Variants in SCUBE1 observed in about 807,000 individuals in gnomAD.
SCUBE1 encodes the protein signal peptide, CUB domain and EGF like domain containing 1.
A neutral mutation model predicts 124.4 loss-of-function variants in SCUBE1; 59 were observed. That is an observed-to-expected ratio of 0.47 (90% CI 0.38 to 0.59). SCUBE1 has a LOEUF of 0.59. Ranked by LOEUF, SCUBE1 falls within the 20% of genes least tolerant of loss-of-function variation. SCUBE1 has a pLI of 0.00. For missense variants in SCUBE1, 1,150 were observed against 1,371.2 expected, an observed-to-expected ratio of 0.84 and a Z score of 2.55; for synonymous variants, 545 against 550.9, an observed-to-expected ratio of 0.99 and a Z score of 0.15.
At chr22:43,286,145 A>G (rs1925131587) in intron 4 of SCUBE1, among the ~76,000 whole-genome samples, 2 of 152,216 alleles carry the variant, frequency 1.3e-5, no homozygotes, top group South Asian at 4.1e-4. Context: ...CACAAATCAC[A>G]TGAATAAGAG....
rs1356370204 is a variant in SCUBE1 at position 43,198,695 on chromosome 22, C to A, written c.*5302G>T. 1 of 456,592 alleles carries A rather than the reference C, an allele frequency of 2.2e-6. No individual in the cohort carries two copies. The highest frequency in any genetic ancestry group is 2.3e-5 in the Admixed American group (1 of 42,568). The allele number at this position is 456,592 out of a possible 1,614,324, so 28.3% of individuals were successfully genotyped here. On this transcript the variant is annotated 3_prime_UTR_variant, in exon 22 of 22. Coordinates refer to ENST00000360835, the MANE Select transcript of SCUBE1 (RefSeq NM_173050.5). ...TGCCAGGGTGACCAGACTTCCTGAG[C>A]ATGGACCAGGGGAGGTGAAAATGGC...
rs1330734925 is a variant in SCUBE1 at position 43,264,404 on chromosome 22, G to A, written c.485-1559C>T. On this transcript the variant is annotated intron_variant, in intron 4 of 21. Coordinates refer to ENST00000360835, the MANE Select transcript of SCUBE1 (RefSeq NM_173050.5). The stretch of plus-strand genomic sequence containing the variant: ...TCTGTCTGTGGGGGCACTGGCTCTT[G>A]AGGCCGGTGTCTCTCCTGCAGGTCT... 3.9e-5 allele frequency among the ~76,000 whole-genome samples: 6 copies of A among 152,322 alleles called. No individual in the cohort carries two copies. The East Asian group carries it at 1.2e-3, about 29-fold the overall frequency.
chr22:43,252,950 C>T (rs1216576158), intron 6 of SCUBE1, among the ~76,000 whole-genome samples: 1 of 145,712 alleles, frequency 6.9e-6, no homozygotes, highest in African/African-American at 2.6e-5. Context: ...CGGTCACCTC[C>T]CTACCTAACT....
intron 4 of SCUBE1, among the ~76,000 whole-genome samples, chr22:43,264,701 G>T (rs1048165041): frequency 6.6e-6 from 1 of 152,232 alleles, no homozygotes; most frequent in East Asian, 1.9e-4. Flanking sequence ...TGCTGTTCCA[G>T]CTTCTTCACA....
At chr22:43,268,399 T>C (rs1924159874) in intron 4 of SCUBE1, among the ~76,000 whole-genome samples, 2 of 152,232 alleles carry the variant, frequency 1.3e-5, no homozygotes, top group Non-Finnish European at 2.9e-5. Context: ...TTCAGAGTCA[T>C]TCCCAGAAAT....
At chr22:43,287,675 C>T (rs1210886614) in intron 4 of SCUBE1, among the ~76,000 whole-genome samples, 2 of 152,368 alleles carry the variant, frequency 1.3e-5, no homozygotes, top group African/African-American at 4.8e-5. Context: ...AAGAGCTGGA[C>T]AGGCATGAGG....
At chr22:43,212,017 G>A (rs1245866685) in intron 17 of SCUBE1, among the ~76,000 whole-genome samples, 2 of 152,080 alleles carry the variant, frequency 1.3e-5, no homozygotes, top group Admixed American at 1.3e-4. Context: ...GAGGGAAGAC[G>A]GGATGTAGAC....
chr22:43,221,344 G>A, intron 12 of SCUBE1, 55 bp from the exon 13 acceptor site: 2 of 1,027,360 alleles, frequency 1.9e-6, no homozygotes, highest in South Asian at 2.6e-5. Context: ...GCAAGGAGGT[G>A]GTGGGGGACG....
At chr22:43,240,865 C>T (rs747506102) in intron 6 of SCUBE1, among the ~76,000 whole-genome samples, 2 of 152,126 alleles carry the variant, frequency 1.3e-5, no homozygotes, top group Non-Finnish European at 2.9e-5. Flanking sequence ...GGAGAGCCCC[C>T]CTCTGGAGAG....
chr22:43,320,451 C>A (rs1926506019), intron 2 of SCUBE1, among the ~76,000 whole-genome samples: 1 of 152,246 alleles, frequency 6.6e-6, no homozygotes, highest in African/African-American at 2.4e-5. Flanking sequence ...CTGATGCCTG[C>A]ATTTCAACTG....
chr22:43,302,412 C>T (rs991775195), intron 3 of SCUBE1, among the ~76,000 whole-genome samples: 3 of 152,194 alleles, frequency 2.0e-5, no homozygotes, highest in African/African-American at 4.8e-5. Context: ...GATCCCCTAC[C>T]GAACTACATT....
chr22:43,235,894 A>C (rs888763374), intron 7 of SCUBE1, among the ~76,000 whole-genome samples: 4 of 152,060 alleles, frequency 2.6e-5, no homozygotes, highest in Non-Finnish European at 4.4e-5. Context: ...CCTTGAGACG[A>C]GGGCTTAGGC....
chr22:43,254,468 G>T (rs1601832277), intron 6 of SCUBE1, among the ~76,000 whole-genome samples: 1 of 152,174 alleles, frequency 6.6e-6, no homozygotes, highest in African/African-American at 2.4e-5. Flanking sequence ...ACCTCTCTGG[G>T]ACCTTTAGGC....
intron 4 of SCUBE1, among the ~76,000 whole-genome samples, chr22:43,284,375 C>T (rs1925047223): frequency 6.6e-6 from 1 of 152,224 alleles, no homozygotes; most frequent in African/African-American, 2.4e-5. Context: ...CTTTTGAACT[C>T]TAGGTGCTTA....
At chr22:43,209,309 C>T (rs1921437234) in intron 19 of SCUBE1, among the ~76,000 whole-genome samples, 1 of 152,198 alleles carries the variant, frequency 6.6e-6, no homozygotes, top group South Asian at 2.1e-4. Flanking sequence ...CCTTCCCTAA[C>T]ACTCAGACAT....
intron 9 of SCUBE1, 98 bp from the exon 10 acceptor site, chr22:43,227,594 CCCCA>C: frequency 6.7e-7 from 1 of 1,482,200 alleles, no homozygotes; most frequent in East Asian, 2.3e-5. Flanking sequence ...AATCTCCTGA[CCCCA>C]CCGAGTCGGA....
chr22:43,286,927 G>C (rs559395152), intron 4 of SCUBE1, among the ~76,000 whole-genome samples: 3 of 152,238 alleles, frequency 2.0e-5, no homozygotes, highest in Non-Finnish European at 4.4e-5. Context: ...CCTCCAGGAG[G>C]CCACATCTTC....
At chr22:43,208,932 G>T (rs952732585) in intron 19 of SCUBE1, among the ~76,000 whole-genome samples, 2 of 152,100 alleles carry the variant, frequency 1.3e-5, no homozygotes, top group Admixed American at 6.5e-5. Flanking sequence ...CCTTCCCGAG[G>T]AGCCCTTCAT....
Position 43,262,779 on chromosome 22 carries a change from C to G in SCUBE1, c.551G>C (p.Gly184Ala). Residue 184 changes from glycine to alanine, a missense_variant, in exon 5 of 22, where the codon GGG becomes GCG. Gly to Ala is a moderately conservative substitution (Grantham distance 60). Transcript: ENST00000360835. Reference protein sequence around the residue: ...AHICRETPKGGVACDCRPGFD... With the variant: ...AHICRETPKGAVACDCRPGFD... The stretch of plus-strand genomic sequence containing the variant: ...GCCGGGCCTGCAGTCGCAGGCCACC[C>G]CACCTTTGGGCGTCTCCCGGCAGAT... The G allele has an allele frequency of 6.2e-7, 1 of 1,614,212 alleles. No individual in the cohort carries two copies. Among genetic ancestry groups the G allele is most frequent in the Non-Finnish European group, 8.5e-7 (1 of 1,180,026 alleles).
Sources: allele counts gnomAD v4.1 joint callset (sites outside exome capture counted in the v4.1 genomes callset), GRCh38; gene constraint gnomAD v4.1.1; transcripts MANE v1.5; gene names NCBI Gene and HGNC (gene_info 2026-07-23, HGNC 2026-07-21).